The following CPSF3 variants were observed in gnomAD, a reference collection of about 807,000 sequenced individuals.
CPSF3 encodes cleavage and polyadenylation specific factor 3.
In CPSF3, 57 loss-of-function variants were observed where a neutral mutation model predicts 84.1. The observed-to-expected ratio is 0.68, with a 90% CI of 0.55 to 0.85. The LOEUF is 0.85. CPSF3 is among the 40% of genes least tolerant of loss of function. The pLI, the probability that CPSF3 is intolerant of heterozygous loss-of-function variation, is 0.00. For synonymous variants in CPSF3, 275 were observed against 278.1 expected (o/e 0.99, Z 0.11); for missense variants, 522 against 838.8 (o/e 0.62, Z 4.66).
At chr2:9,466,248 GCGCA>G (rs1558466075) in intron 15 of CPSF3, among the ~76,000 whole-genome samples, 2 of 93,084 alleles carry the variant, frequency 2.1e-5, no homozygotes, top group African/African-American at 7.6e-5. Flanking sequence ...GCGCACGCAC[GCGCA>G]CACACGCACA....
At chr2:9,446,242 C>T (rs1054814643) in intron 10 of CPSF3, among the ~76,000 whole-genome samples, 2 of 152,066 alleles carry the variant, frequency 1.3e-5, no homozygotes, top group Admixed American at 6.5e-5. Flanking sequence ...GCCAGGAGTT[C>T]GAGACCAGCC....
chr2:9,458,220 A>G (rs936544092), intron 14 of CPSF3, among the ~76,000 whole-genome samples: 4 of 151,996 alleles, frequency 2.6e-5, no homozygotes, highest in African/African-American at 9.7e-5. Flanking sequence ...CCTAGCCAAC[A>G]TGGTGAAAAC....
intron 17 of CPSF3, among the ~76,000 whole-genome samples, chr2:9,472,051 C>T (rs1169493048): frequency 6.8e-6 from 1 of 146,452 alleles, no homozygotes; most frequent in South Asian, 2.2e-4. Context: ...TGGTGGTTCA[C>T]GCCTGTAATC....
chr2:9,462,705 T>A (rs1287935977), intron 15 of CPSF3, among the ~76,000 whole-genome samples: 1 of 152,252 alleles, frequency 6.6e-6, no homozygotes, highest in African/African-American at 2.4e-5. Flanking sequence ...GAAATGTACC[T>A]TTACTCTGAT....
intron 14 of CPSF3, among the ~76,000 whole-genome samples, chr2:9,458,418 A>G (rs1423470356): frequency 1.3e-5 from 2 of 152,208 alleles, no homozygotes; most frequent in African/African-American, 4.8e-5. Flanking sequence ...GAAAAAAAAG[A>G]AAGAAAGTGA....
chr2:9,423,974 G>A, intron 1 of CPSF3, 151 bp downstream of exon 1: 1 of 1,442,692 alleles, frequency 6.9e-7, no homozygotes, highest in African/African-American at 1.4e-5. Context: ...TCAGGCTCGA[G>A]GGGTTGGAGG....
chr2:9,430,990 G>A, intron 4 of CPSF3, 110 bp downstream of exon 4: 1 of 750,152 alleles, frequency 1.3e-6, no homozygotes, highest in Non-Finnish European at 2.2e-6. Context: ...TCATGTATAA[G>A]GATATCAGTA....
intron 7 of CPSF3, 94 bp from the exon 8 acceptor site, chr2:9,440,396 TG>T: frequency 2.1e-6 from 2 of 948,696 alleles, no homozygotes; most frequent in South Asian, 3.5e-5. Flanking sequence ...CTTGGTTGTA[TG>T]TGTATCATTT....
chr2:9,432,500 T>C lies in CPSF3; in HGVS notation c.342-11T>C. The C allele has an allele frequency of 6.9e-7, 1 of 1,446,004 alleles. No homozygotes were observed. The highest frequency in any genetic ancestry group is 9.2e-7 in the Non-Finnish European group (1 of 1,081,082). 89.6% of individuals were successfully genotyped at this position (1,446,004 alleles called of 1,614,324 possible). On this transcript the variant is annotated splice_polypyrimidine_tract_variant and intron_variant, in intron 4 of 17. Coordinates refer to ENST00000238112, the MANE Select transcript of CPSF3 (RefSeq NM_016207.4). ...TCTTAATTGTTTTTGCTGGCATCTTTCAAAATTTAGTAACATATCAGCAGA... is the reference window on the plus strand; with the variant it reads ...TCTTAATTGTTTTTGCTGGCATCTTCCAAAATTTAGTAACATATCAGCAGA...
chr2:9,468,240 C>T (rs993885532), intron 16 of CPSF3, among the ~76,000 whole-genome samples: 6 of 151,804 alleles, frequency 4.0e-5, no homozygotes, highest in South Asian at 2.1e-4. Flanking sequence ...TATTTTATTT[C>T]TATTTTTGGG....
At chr2:9,464,743 TCAC>T (rs1415618302) in intron 15 of CPSF3, among the ~76,000 whole-genome samples, 2 of 152,018 alleles carry the variant, frequency 1.3e-5, no homozygotes, top group South Asian at 2.1e-4. Context: ...TAGACGCACA[TCAC>T]CACGCCTGGC....
chr2:9,432,897 A>C (rs1166689888), intron 5 of CPSF3, among the ~76,000 whole-genome samples: 2 of 152,218 alleles, frequency 1.3e-5, no homozygotes, highest in Non-Finnish European at 2.9e-5. Context: ...CTGAGGAAAA[A>C]AAAATTTTTA....
At chr2:9,437,862 C>T (rs919466166) in intron 7 of CPSF3, among the ~76,000 whole-genome samples, 2 of 152,144 alleles carry the variant, frequency 1.3e-5, no homozygotes, top group African/African-American at 2.4e-5. Context: ...ATTAGCTGGA[C>T]GTGGTGATAC....
At chr2:9,429,647 T>C (rs2148934348) in intron 2 of CPSF3, among the ~76,000 whole-genome samples, 1 of 152,356 alleles carries the variant, frequency 6.6e-6, no homozygotes, top group Middle Eastern at 3.4e-3. Flanking sequence ...AAAGATTTAA[T>C]TCGTTGTTAG....
At chr2:9,459,238 A>G (rs982012824) in intron 14 of CPSF3, among the ~76,000 whole-genome samples, 1 of 152,220 alleles carries the variant, frequency 6.6e-6, no homozygotes, top group Non-Finnish European at 1.5e-5. Context: ...CTTTTAAGTC[A>G]GTTTTCTCTT....
chr2:9,464,195 A>G (rs924369285), intron 15 of CPSF3, among the ~76,000 whole-genome samples: 3 of 151,964 alleles, frequency 2.0e-5, no homozygotes, highest in African/African-American at 7.3e-5. Context: ...ACATTCTTCT[A>G]TTTTACATGG....
intron 10 of CPSF3, among the ~76,000 whole-genome samples, chr2:9,443,879 A>G (rs1681037328): frequency 6.6e-6 from 1 of 151,648 alleles, no homozygotes; most frequent in Non-Finnish European, 1.5e-5. Flanking sequence ...AGACCTACCA[A>G]CCCCAATCCT....
intron 2 of CPSF3, among the ~76,000 whole-genome samples, chr2:9,429,533 A>G (rs1216688156): frequency 2.0e-5 from 3 of 152,230 alleles, no homozygotes; most frequent in Non-Finnish European, 4.4e-5. Flanking sequence ...TACCCTGATC[A>G]GGTAAGTTTC....
chr2:9,466,326 A>AT (rs70948820), intron 15 of CPSF3, among the ~76,000 whole-genome samples: 1 of 67,420 alleles, frequency 1.5e-5, no homozygotes, highest in Non-Finnish European at 4.2e-5. Context: ...GCACGCACAC[A>AT]GACGCACGCA....
Sources: allele counts gnomAD v4.1 joint callset (sites outside exome capture counted in the v4.1 genomes callset), GRCh38; gene constraint gnomAD v4.1.1; transcripts MANE v1.5; gene names NCBI Gene and HGNC (gene_info 2026-07-23, HGNC 2026-07-21).